Variants in SFTPC observed in about 807,000 individuals in gnomAD.
The protein encoded by SFTPC is BRICHOS domain containing 6.
In SFTPC, 12 loss-of-function variants were observed where a neutral mutation model predicts 19.9. The observed-to-expected ratio is 0.60, with a 90% CI of 0.39 to 0.98. The LOEUF (loss-of-function observed/expected upper bound fraction) is 0.98. Ranked by LOEUF, SFTPC falls within the 50% of genes least tolerant of loss-of-function variation. SFTPC has a pLI of 0.00. For missense variants in SFTPC, 219 were observed against 252.2 expected (o/e 0.87, Z 0.89); for synonymous variants, 123 against 103.3 (o/e 1.19, Z -1.16).
chr8:22,164,202 C>G, intron 5 of SFTPC, 64 bp from the exon 6 acceptor site: 1 of 1,529,938 alleles, frequency 6.5e-7, no homozygotes. Flanking sequence ...GGGAAGCTCA[C>G]AGACCGGTAC....
At chr8:22,159,381 G>A (rs1827624475), upstream of SFTPC, 2 of 256,732 alleles carry the variant, frequency 7.8e-6, no homozygotes, top group South Asian at 3.7e-5. Flanking sequence ...TTAAGTACAG[G>A]CCAAAAAGTG....
intron 4 of SFTPC, 102 bp from the exon 5 acceptor site, chr8:22,163,797 CTG>C (rs1272157961): frequency 6.2e-6 from 7 of 1,121,676 alleles, no homozygotes; most frequent in Non-Finnish European, 9.4e-6. Flanking sequence ...GATGAGAAAA[CTG>C]AGGCTCAGAG....
intron 2 of SFTPC, among the ~76,000 whole-genome samples, 156 bp from the exon 3 acceptor site, chr8:22,162,924 A>G (rs1208247908): frequency 2.6e-5 from 4 of 152,202 alleles, no homozygotes; most frequent in African/African-American, 9.6e-5. Flanking sequence ...CCGCAGCAGG[A>G]CAGCCAGCTC....
At chr8:22,164,114 G>C in intron 5 of SFTPC, 55 bp downstream of exon 5, 1 of 1,606,814 alleles carries the variant, frequency 6.2e-7, no homozygotes, top group Non-Finnish European at 8.5e-7. Context: ...CCACCTGCCC[G>C]GGCTGTGGAG....
At chr8:22,164,133 G>T (rs1827928602) in intron 5 of SFTPC, 74 bp downstream of exon 5, 2 of 1,587,632 alleles carry the variant, frequency 1.3e-6, no homozygotes, top group Admixed American at 1.8e-5. Context: ...AGGAGCGCTC[G>T]CGCTGACCAG....
At chr8:22,161,317 C>G (rs1193428734), upstream of SFTPC, among the ~76,000 whole-genome samples, 1 of 152,168 alleles carries the variant, frequency 6.6e-6, no homozygotes, top group Non-Finnish European at 1.5e-5. Context: ...TGTCAAAGCA[C>G]CTCCTGCCTT....
Position 22,164,305 on chromosome 8 carries a change from C to G in SFTPC, c.*58C>G, listed in dbSNP as rs1157500123. ...CCAACGGGAAAGGAAACGCCCCGGG[C>G]AAAGGGTCTTTTGCAGCTTTTGCAG... On this transcript the variant is annotated 3_prime_UTR_variant, in exon 6 of 6. Coordinates refer to ENST00000679463, the MANE Select transcript of SFTPC (RefSeq NM_001317778.2). The G allele has an allele frequency of 3.3e-6, 5 of 1,536,170 alleles. No homozygotes were observed. Among genetic ancestry groups the G allele is most frequent in the Non-Finnish European group, 4.4e-6 (5 of 1,146,910 alleles).
At chr8:22,163,780 C>T in intron 4 of SFTPC, 121 bp from the exon 5 acceptor site, 1 of 1,012,248 alleles carries the variant, frequency 9.9e-7, no homozygotes, top group Non-Finnish European at 1.5e-6. Flanking sequence ...CACAGCCCCT[C>T]TTTACTGATG....
chr8:22,163,122 C>T lies in SFTPC; in HGVS notation c.244C>T (p.Leu82=). The T allele has an allele frequency of 6.2e-7, 1 of 1,614,188 alleles. No homozygotes were observed. The highest frequency in any genetic ancestry group is 8.5e-7 in the Non-Finnish European group (1 of 1,180,018). ...TGGGGCGCCGGAAGCCCAGCAACGC[C>T]TGGCCCTGAGTGAGCACCTGGTTAC... is the stretch of plus-strand genomic sequence containing the variant. ...SIGAPEAQQR[L]ALSEHLVTTA... The change falls in exon 3 of 6, where the codon CTG becomes TTG. Residue 82 remains leucine (L), a synonymous_variant. Transcript: ENST00000679463.
At chr8:22,157,714 G>T (rs779129600), upstream of SFTPC, 2 of 152,114 alleles carry the variant, frequency 1.3e-5, no homozygotes, top group African/African-American at 2.4e-5. Context: ...GACATGATTT[G>T]CCCTTTTCAC....
chr8:22,163,452 A>T lies in SFTPC; in HGVS notation c.341A>T (p.Lys114Met), dbSNP rs1282079356. 1 of 1,614,042 alleles carries T rather than the reference A, an allele frequency of 6.2e-7. No individual in the cohort carries two copies. The highest frequency in any genetic ancestry group is 1.1e-5 in the South Asian group (1 of 91,068). The change falls in exon 4 of 6, where the codon AAG (lysine) becomes ATG (methionine). Residue 114 changes from lysine (K) to methionine (M), a missense_variant. Transcript: ENST00000679463. ...YDYQQLLIAYKPAPGTCCYIM... is the reference protein window; with the variant it reads ...YDYQQLLIAYMPAPGTCCYIM... ...TGTGCCTAGCTGCTGATCGCCTACAAGCCAGCCCCTGGCACCTGCTGCTAC... is the reference window on the plus strand; with the variant it reads ...TGTGCCTAGCTGCTGATCGCCTACATGCCAGCCCCTGGCACCTGCTGCTAC...
At chr8:22,162,377 T>C (rs1827773362) in intron 1 of SFTPC, among the ~76,000 whole-genome samples, 197 bp from the exon 2 acceptor site, 1 of 152,158 alleles carries the variant, frequency 6.6e-6, no homozygotes, top group Non-Finnish European at 1.5e-5. Context: ...TAAGCTTCTA[T>C]GTGTCTATGG....
Position 22,163,816 on chromosome 8 carries a change from C to T in SFTPC, c.436-85C>T, listed in dbSNP as rs183972687. On this transcript the variant is annotated intron_variant, in intron 4 of 5. Coordinates refer to ENST00000679463, the MANE Select transcript of SFTPC (RefSeq NM_001317778.2). ...AGAAAACTGAGGCTCAGAGAGATTGCCTGATATACCTGAAGTCCCACAATA... is the reference window on the plus strand; with the variant it reads ...AGAAAACTGAGGCTCAGAGAGATTGTCTGATATACCTGAAGTCCCACAATA... The T allele has an allele frequency of 7.3e-5, 92 of 1,254,420 alleles. 1 individual carries two copies. Among genetic ancestry groups the T allele is most frequent in the Admixed American group, 5.8e-4 (33 of 57,378 alleles). The allele number at this position is 1,254,420 out of a possible 1,614,324, so 77.7% of individuals were successfully genotyped here.
chr8:22,163,005 G>C, intron 2 of SFTPC, 75 bp from the exon 3 acceptor site: 1 of 1,596,310 alleles, frequency 6.3e-7, no homozygotes. Context: ...GAGTACAGAG[G>C]CCTGAGTATG....
At chr8:22,161,738 C>T (rs77253713), upstream of SFTPC, 15,940 of 1,612,608 alleles carry the variant, frequency 9.9e-3, 122 homozygotes, top group Non-Finnish European at 0.012. Context: ...GGGCTTGGTC[C>T]TTCACCTCTG....
Position 22,162,745 on chromosome 8 carries a change from G to A in SFTPC, c.201+13G>A. On this transcript the variant is annotated intron_variant, in intron 2 of 5. Coordinates refer to ENST00000679463, the MANE Select transcript of SFTPC (RefSeq NM_001317778.2). ...ACACACGGAGATGGTGAGAGGTGTG[G>A]GATGCACAGCAGTGGGCACAGGACA... is the stretch of plus-strand genomic sequence containing the variant. The A allele has an allele frequency of 6.2e-7, 1 of 1,614,024 alleles. No homozygotes were observed. The highest frequency in any genetic ancestry group is 1.1e-5 in the South Asian group (1 of 91,086).
chr8:22,158,437 A>G (rs988936803), upstream of SFTPC, among the ~76,000 whole-genome samples: 3 of 151,926 alleles, frequency 2.0e-5, no homozygotes, highest in Non-Finnish European at 4.4e-5. Flanking sequence ...TCTTGTCCCC[A>G]CCCCTGCAGC....
At position 22,161,864 on chromosome 8, in the gene SFTPC, C is replaced by T. The variant is rs369413166; in HGVS notation, c.36C>T (p.Ser12=). The change falls in exon 1 of 6, where the codon AGC becomes AGT. Residue 12 remains serine (S), a synonymous_variant. Transcript: ENST00000679463. ...GCAGCAAAGAGGTCCTGATGGAGAG[C>T]CCGCCGGTGAGTGTGGTTGCGTGTG... is the stretch of plus-strand genomic sequence containing the variant. ...DVGSKEVLME[S]PPDYSAAPRG... The T allele has an allele frequency of 7.4e-6, 12 of 1,613,872 alleles. No homozygotes were observed. The highest frequency in any genetic ancestry group is 2.2e-5 in the South Asian group (2 of 91,084).
intron 1 of SFTPC, 27 bp from the exon 2 acceptor site, chr8:22,162,547 G>A (rs965277851): frequency 1.9e-5 from 31 of 1,612,578 alleles, no homozygotes; most frequent in Non-Finnish European, 2.5e-5. Context: ...CCTCATGCCT[G>A]TCTCCTTGCC....
Sources: gnomAD v4.1 joint callset for allele counts (sites outside exome capture counted in the v4.1 genomes callset) on GRCh38, gnomAD v4.1.1 for gene constraint, MANE v1.5 for transcripts, NCBI Gene and HGNC (gene_info 2026-07-23, HGNC 2026-07-21) for gene names.